Variants in POM121 observed in about 807,000 individuals in gnomAD.
POM121 encodes POM121 transmembrane nucleoporin, also known as nuclear envelope pore membrane protein POM 121.
Under a neutral mutation model 81.3 loss-of-function variants are expected in POM121, and 32 were observed. The observed-to-expected ratio is 0.39, with a 90% CI of 0.30 to 0.53. POM121 has a LOEUF of 0.53. POM121 is among the 20% of genes least tolerant of loss of function. The probability of loss-of-function intolerance (pLI) is 0.66; values close to 1 mark genes in which losing one functional copy is unlikely to be tolerated. For synonymous variants in POM121, 514 were observed against 694.2 expected (o/e 0.74, Z 4.08); for missense variants, 1,138 against 1,614.6 (o/e 0.70, Z 5.06).
At chr7:72,923,111 C>CT (rs1794970810), upstream of POM121, among the ~76,000 whole-genome samples, 1 of 128,686 alleles carries the variant, frequency 7.8e-6, no homozygotes. Flanking sequence ...AGCTCCCCCC[C>CT]AACCCCCCCC....
chr7:72,933,748 A>T (rs1796245769), intron 5 of POM121, among the ~76,000 whole-genome samples: 1 of 152,246 alleles, frequency 6.6e-6, no homozygotes, highest in African/African-American at 2.4e-5. Flanking sequence ...TGGGAAATGG[A>T]TACAAGGATT....
At chr7:72,897,013 G>A (rs1207714108) in intron 3 of POM121, among the ~76,000 whole-genome samples, 1 of 152,198 alleles carries the variant, frequency 6.6e-6, no homozygotes, top group Non-Finnish European at 1.5e-5. Flanking sequence ...GACCAGCCTG[G>A]GTAACATGGC....
intron 3 of POM121, among the ~76,000 whole-genome samples, chr7:72,893,345 A>G (rs1791496050): frequency 6.6e-6 from 1 of 151,894 alleles, no homozygotes; most frequent in Non-Finnish European, 1.5e-5. Context: ...GCACTTTGGG[A>G]GGCCGAGGCG....
At chr7:72,923,306 A>G (rs1478696586), upstream of POM121, among the ~76,000 whole-genome samples, 3 of 152,136 alleles carry the variant, frequency 2.0e-5, no homozygotes, top group Non-Finnish European at 2.9e-5. Flanking sequence ...CCTAATCTCC[A>G]GCGATACTGA....
chr7:72,919,020 C>A (rs112906791), intron 4 of POM121, among the ~76,000 whole-genome samples: 5 of 151,964 alleles, frequency 3.3e-5, no homozygotes, highest in African/African-American at 1.2e-4. Flanking sequence ...AGGATGGTCT[C>A]GATCTCCTGA....
downstream of POM121, chr7:72,950,090 A>G (rs782701394): frequency 2.5e-6 from 4 of 1,581,508 alleles, no homozygotes; most frequent in Non-Finnish European, 3.5e-6. Flanking sequence ...CCGGCCCGGT[A>G]CAGTGGGTGT....
intron 5 of POM121, among the ~76,000 whole-genome samples, chr7:72,934,329 TC>T (rs1796307547): frequency 6.6e-6 from 1 of 152,086 alleles, no homozygotes; most frequent in Admixed American, 6.6e-5. Context: ...AGGTGATCCG[TC>T]CGCCTTGGCC....
intron 5 of POM121, among the ~76,000 whole-genome samples, chr7:72,936,513 G>A (rs1554499542): frequency 3.9e-5 from 6 of 152,246 alleles, no homozygotes; most frequent in South Asian, 2.1e-4. Context: ...TCCTGACCTC[G>A]TGATCCGCCC....
chr7:72,934,636 C>G (rs1448948075), intron 5 of POM121, among the ~76,000 whole-genome samples: 1 of 152,112 alleles, frequency 6.6e-6, no homozygotes, highest in Non-Finnish European at 1.5e-5. Context: ...AATCCATAAA[C>G]CACCTGAAAT....
At chr7:72,924,917 G>T (rs1426471310), upstream of POM121, 5 of 900,480 alleles carry the variant, frequency 5.6e-6, no homozygotes, top group Non-Finnish European at 6.0e-6. Flanking sequence ...TGGATGTGGC[G>T]CTGGGAGCCA....
At position 72,926,476 on chromosome 7, in the gene POM121, A is replaced by G. The variant is rs1795458762; in HGVS notation, c.859A>G (p.Ile287Val). 18 of 1,613,892 alleles carry G rather than the reference A, an allele frequency of 1.1e-5. No homozygotes were observed. The highest frequency in any genetic ancestry group is 1.4e-5 in the Non-Finnish European group (17 of 1,179,884). Residue 287 changes from isoleucine to valine, a missense_variant and splice_region_variant, in exon 2 of 13, where the codon ATA becomes GTA. Ile to Val is a conservative substitution (Grantham distance 29, BLOSUM62 3). Coordinates refer to ENST00000434423, the MANE Select transcript of POM121 (RefSeq NM_001387691.1). ...PPDRRFSRSA[I>V]PEQIISSTLS... Reference sequence around the variant, plus strand: ...TGACAGAAGATTTTCGCGTTCTGCGATGTGAGTATTATCGTTGGAAGAATA... The same window carrying G: ...TGACAGAAGATTTTCGCGTTCTGCGGTGTGAGTATTATCGTTGGAAGAATA...
chr7:72,949,975 C>T (rs545787162), downstream of POM121: 75 of 1,607,404 alleles, frequency 4.7e-5, no homozygotes, highest in South Asian at 8.1e-4. Flanking sequence ...GCAGGCAGAA[C>T]ACAGGGGCCG....
chr7:72,899,602 A>G (rs1324847827), intron 3 of POM121, among the ~76,000 whole-genome samples: 2 of 141,398 alleles, frequency 1.4e-5, no homozygotes, highest in Admixed American at 7.3e-5. Flanking sequence ...TTTTTGAGAC[A>G]GAATCTCGCT....
At chr7:72,943,894 G>C (rs576356580) in intron 11 of POM121, among the ~76,000 whole-genome samples, 1 of 152,342 alleles carries the variant, frequency 6.6e-6, no homozygotes, top group South Asian at 2.1e-4. Flanking sequence ...CAAAAAATTA[G>C]CCGGGCGTGG....
At chr7:72,883,166 C>T (rs1430269443) in intron 1 of POM121, among the ~76,000 whole-genome samples, 5 of 152,268 alleles carry the variant, frequency 3.3e-5, no homozygotes, top group African/African-American at 9.6e-5. Flanking sequence ...CAGCCTCCTG[C>T]GTAGCTGGGA....
chr7:72,939,495 G>A (rs1286729110), intron 7 of POM121, 86 bp downstream of exon 7: 1 of 1,551,112 alleles, frequency 6.4e-7, no homozygotes, highest in African/African-American at 1.4e-5. Context: ...ATTGAAAAAA[G>A]GTCTTGAGCA....
chr7:72,925,316 C>A lies in POM121; in HGVS notation c.195C>A (p.Ala65=). The A allele has an allele frequency of 2.6e-6, 4 of 1,534,386 alleles. No individual in the cohort carries two copies. The highest frequency in any genetic ancestry group is 3.5e-6 in the Non-Finnish European group (4 of 1,146,480). Residue 65 remains alanine (A), a synonymous_variant, in exon 1 of 13, where the codon GCC becomes GCA. Transcript: ENST00000434423. The part of the protein sequence containing the change: ...LAWLTVGATA[A]WWGLSREPRG... Reference sequence around the variant, plus strand: ...GGCTGACCGTGGGGGCTACCGCGGCCTGGTGGGGACTGAGCCGCGAGCCCC... The same window carrying A: ...GGCTGACCGTGGGGGCTACCGCGGCATGGTGGGGACTGAGCCGCGAGCCCC...
chr7:72,906,993 A>G (rs1264778661), intron 3 of POM121, among the ~76,000 whole-genome samples: 4 of 151,928 alleles, frequency 2.6e-5, no homozygotes, highest in African/African-American at 9.7e-5. Flanking sequence ...GAAGATTTAT[A>G]CTTAATTTTA....
At position 72,925,477 on chromosome 7, in the gene POM121, T is replaced by A. The variant is rs1554497046; in HGVS notation, c.356T>A (p.Leu119His). The A allele has an allele frequency of 2.0e-6, 3 of 1,533,288 alleles. No homozygotes were observed. The highest frequency in any genetic ancestry group is 3.9e-5 in the Admixed American group (2 of 50,964). 95.0% of individuals were successfully genotyped at this position (1,533,288 alleles called of 1,614,324 possible). A position where few individuals can be genotyped will look rare whatever the true frequency, so the allele number is the denominator to read the frequency against. ...GCCAAGTCGACAGCCAACGGAAACC[T>A]CCTAGAGCCGCGGACCCTGCTCGAA... is the stretch of plus-strand genomic sequence containing the variant. ...PLAKSTANGNLLEPRTLLEGP... is the reference protein window; with the variant it reads ...PLAKSTANGNHLEPRTLLEGP... The change falls in exon 1 of 13, where the codon CTC (leucine) becomes CAC (histidine). Residue 119 changes from leucine (L) to histidine (H), a missense_variant. This residue lies in a region of POM121 where 646 missense variants were observed against 633.5 expected (regional missense o/e 1.02). Coordinates refer to ENST00000434423, the MANE Select transcript of POM121 (RefSeq NM_001387691.1).
Sources: gnomAD v4.1 joint callset for allele counts (sites outside exome capture counted in the v4.1 genomes callset) on GRCh38, gnomAD v4.1.1 for gene constraint, gnomAD v4.1.1 regional missense constraint, MANE v1.5 for transcripts, NCBI Gene and HGNC (gene_info 2026-07-23, HGNC 2026-07-21) for gene names.